The following TMOD3 variants were observed in gnomAD, a reference collection of about 807,000 sequenced individuals.
TMOD3 encodes the protein tropomodulin-3.
Under a neutral mutation model 39.2 loss-of-function variants are expected in TMOD3, and 20 were observed. The observed-to-expected ratio is 0.51, with a 90% CI of 0.36 to 0.74. The LOEUF (loss-of-function observed/expected upper bound fraction) is 0.74. Ranked by LOEUF, TMOD3 falls within the 30% of genes least tolerant of loss-of-function variation. The pLI, the probability that TMOD3 is intolerant of heterozygous loss-of-function variation, is 0.00. For missense variants in TMOD3, 381 were observed against 412.8 expected (o/e 0.92, Z 0.67); for synonymous variants, 143 against 145.8 (o/e 0.98, Z 0.14).
chr15:51,840,497 G>A (rs1439749434), intron 1 of TMOD3, among the ~76,000 whole-genome samples: 1 of 152,102 alleles, frequency 6.6e-6, no homozygotes, highest in Non-Finnish European at 1.5e-5. Context: ...CCCATGAGAT[G>A]GTTACTCTTA....
At chr15:51,884,367 A>G (rs913174361) in intron 3 of TMOD3, among the ~76,000 whole-genome samples, 2 of 152,338 alleles carry the variant, frequency 1.3e-5, no homozygotes, top group South Asian at 4.1e-4. Context: ...AAGTGTAGCT[A>G]TAGTGAAATG....
At chr15:51,899,960 G>C (rs1369089481) in intron 7 of TMOD3, among the ~76,000 whole-genome samples, 195 bp from the exon 8 acceptor site, 1 of 152,214 alleles carries the variant, frequency 6.6e-6, no homozygotes. Flanking sequence ...GGTATCTGCA[G>C]ATGGTCCTGG....
chr15:51,874,679 C>A (rs2056492609), intron 3 of TMOD3, among the ~76,000 whole-genome samples: 1 of 152,190 alleles, frequency 6.6e-6, no homozygotes, highest in African/African-American at 2.4e-5. Context: ...TTTTTTACTA[C>A]CTGTCATTTT....
At chr15:51,860,332 C>A (rs142695555) in intron 1 of TMOD3, 39 of 538,478 alleles carry the variant, frequency 7.2e-5, no homozygotes, top group African/African-American at 6.9e-4. Context: ...GCCAATTTGC[C>A]CTTAAGGATT....
chr15:51,881,307 A>G (rs1208984966), intron 3 of TMOD3, among the ~76,000 whole-genome samples: 4 of 152,068 alleles, frequency 2.6e-5, no homozygotes, highest in African/African-American at 9.7e-5. Context: ...TTTATTATTG[A>G]TTGGCAAGCA....
chr15:51,863,658 G>C (rs2056430473), intron 2 of TMOD3, among the ~76,000 whole-genome samples: 1 of 152,192 alleles, frequency 6.6e-6, no homozygotes, highest in Admixed American at 6.5e-5. Flanking sequence ...GGCAGTGAAG[G>C]AAGAGCCTGA....
rs144476006 is a variant in TMOD3 at position 51,850,087 on chromosome 15, T to C, written c.-74-12724T>C. Among the ~76,000 whole-genome samples, 455 of 152,200 alleles carry C rather than the reference T, an allele frequency of 3.0e-3. 3 individuals carry two copies. The highest frequency in any genetic ancestry group is 0.01 in the African/African-American group (435 of 41,532). On this transcript the variant is annotated intron_variant, in intron 1 of 9. Transcript: ENST00000308580. ...GAGGGAGAGGACTCGGGTTACCAAA[T>C]ATAGACAATTCTTTTAAGTTTGGCT...
In TMOD3 at chr15:51,853,790, T is replaced by TAA. The variant is rs74342679; in HGVS notation, c.-74-9002_-74-9001dup. Among the ~76,000 whole-genome samples, 440 of 126,526 alleles carry TAA rather than the reference T, an allele frequency of 3.5e-3. 1 individual carries two copies. The highest frequency in any genetic ancestry group is 0.01 in the African/African-American group (354 of 34,582). 83.0% of individuals were successfully genotyped at this position (126,526 alleles called of 152,430 possible). ...CCTGACAGAGCGAGTCACTGTCTCT[T>TAA]AAAAAAAAAAAAAAAAAAAAGATAA... On this transcript the variant is annotated intron_variant, in intron 1 of 9. Transcript: ENST00000308580.
chr15:51,908,173 G>A (rs933856824), intron 9 of TMOD3, among the ~76,000 whole-genome samples: 3 of 152,188 alleles, frequency 2.0e-5, no homozygotes, highest in Non-Finnish European at 1.5e-5. Context: ...CATGCAAATA[G>A]TTACTTTTAA....
At chr15:51,903,440 C>T (rs1193396369) in intron 9 of TMOD3, among the ~76,000 whole-genome samples, 2 of 152,164 alleles carry the variant, frequency 1.3e-5, no homozygotes, top group Admixed American at 1.3e-4. Context: ...AAGCTTCAGC[C>T]ATATTTGAGT....
At chr15:51,876,270 G>A (rs2056502726) in intron 3 of TMOD3, among the ~76,000 whole-genome samples, 1 of 152,126 alleles carries the variant, frequency 6.6e-6, no homozygotes, top group Non-Finnish European at 1.5e-5. Flanking sequence ...TTGGGCTCAG[G>A]TGATTCTTCT....
At chr15:51,848,237 T>C (rs904544969) in intron 1 of TMOD3, among the ~76,000 whole-genome samples, 2 of 152,216 alleles carry the variant, frequency 1.3e-5, no homozygotes, top group African/African-American at 4.8e-5. Context: ...TCTTTGTTTA[T>C]AATTAGTGTT....
intron 3 of TMOD3, among the ~76,000 whole-genome samples, chr15:51,882,624 A>G (rs1037151180): frequency 6.6e-6 from 1 of 152,222 alleles, no homozygotes; most frequent in African/African-American, 2.4e-5. Flanking sequence ...TCAGTTGACC[A>G]TAAGTATAAG....
intron 3 of TMOD3, 21 bp downstream of exon 3, chr15:51,869,394 G>T: frequency 6.2e-7 from 1 of 1,606,236 alleles, no homozygotes; most frequent in Non-Finnish European, 8.5e-7. Context: ...GAATTTTAAA[G>T]TCATTATGTG....
intron 9 of TMOD3, among the ~76,000 whole-genome samples, chr15:51,906,660 A>T (rs1408873651): frequency 6.6e-6 from 1 of 152,106 alleles, no homozygotes; most frequent in Non-Finnish European, 1.5e-5. Flanking sequence ...ATAGCATCTG[A>T]AGTGGTATGC....
intron 8 of TMOD3, chr15:51,901,612 TATAAA>T: frequency 1.3e-5 from 5 of 373,148 alleles, no homozygotes; most frequent in East Asian, 5.8e-5. Flanking sequence ...TGTGTGTGTG[TATAAA>T]GTTCCAGTGA....
intron 2 of TMOD3, among the ~76,000 whole-genome samples, chr15:51,868,548 T>C (rs941088515): frequency 2.6e-5 from 4 of 152,344 alleles, no homozygotes; most frequent in African/African-American, 9.6e-5. Context: ...GTTCTCATCA[T>C]TGACTCCCAC....
chr15:51,896,611 T>C (rs2056622313), intron 7 of TMOD3, 85 bp downstream of exon 7: 2 of 933,380 alleles, frequency 2.1e-6, no homozygotes, highest in Non-Finnish European at 3.4e-6. Flanking sequence ...GATTTACCCC[T>C]TTTTTATAGT....
rs746324090 is a variant in TMOD3 at position 51,893,879 on chromosome 15, A to G, written c.561A>G (p.Glu187=). 28 of 1,611,256 alleles carry G rather than the reference A, an allele frequency of 1.7e-5. No homozygotes were observed. In the African/African-American group the frequency reaches 3.3e-4, roughly 19 times the overall value. ...FDEPPNPTNV[E]ESLKRTKEND... The stretch of plus-strand genomic sequence containing the variant: ...AGCCACCAAATCCAACCAATGTAGA[A>G]GAGAGTTTGAAGAGAACTAAAGAAA... The change falls in exon 6 of 10, where the codon GAA becomes GAG. Residue 187 remains glutamate, a synonymous_variant. Coordinates refer to ENST00000308580, the MANE Select transcript of TMOD3 (RefSeq NM_014547.5).
Sources: gnomAD v4.1 joint callset for allele counts (sites outside exome capture counted in the v4.1 genomes callset) on GRCh38, gnomAD v4.1.1 for gene constraint, MANE v1.5 for transcripts, NCBI Gene and HGNC (gene_info 2026-07-23, HGNC 2026-07-21) for gene names.